MLF1: variants seen among roughly 807,000 people sequenced by gnomAD.
The protein encoded by MLF1 is myelodysplasia-myeloid leukemia factor 1.
Under a neutral mutation model 38.3 loss-of-function variants are expected in MLF1, and 37 were observed. The observed-to-expected ratio is 0.96, with a 90% CI of 0.74 to 1.27. The LOEUF (loss-of-function observed/expected upper bound fraction) is 1.27, where lower values mean the gene tolerates loss of function less well. Among genes scored for constraint, MLF1 ranks in the 50% most tolerant of loss-of-function variants. The pLI is 0.00. For synonymous variants in MLF1, 95 were observed against 106.5 expected (o/e 0.89, Z 0.66); for missense variants, 331 against 349.2 (o/e 0.95, Z 0.42).
chr3:158,571,231 C>A lies in MLF1; in HGVS notation c.-70C>A. The A allele has an allele frequency of 7.6e-7, 1 of 1,313,268 alleles. No homozygotes were observed. Among genetic ancestry groups the A allele is most frequent in the South Asian group, 1.2e-5 (1 of 81,872 alleles). The allele number at this position is 1,313,268 out of a possible 1,614,324, so 81.4% of individuals were successfully genotyped here. On this transcript the variant is annotated 5_prime_UTR_variant, in exon 1 of 8. Coordinates refer to ENST00000466246, the MANE Select transcript of MLF1 (RefSeq NM_001369783.1). ...GTCCGTACTGGAGGCTAGCTCTTGT[C>A]GCGGCCGCGGCGAGTTAACATCGTT...
chr3:158,597,087 C>T (rs1278403974), intron 4 of MLF1, 142 bp downstream of exon 4: 6 of 512,328 alleles, frequency 1.2e-5, no homozygotes, highest in Admixed American at 1.0e-4. Flanking sequence ...TATTTGTATA[C>T]TTTATAAATA....
At chr3:158,589,576 A>G (rs1287781018) in intron 1 of MLF1, among the ~76,000 whole-genome samples, 1 of 152,236 alleles carries the variant, frequency 6.6e-6, no homozygotes, top group African/African-American at 2.4e-5. Flanking sequence ...ATGAATAAAG[A>G]TACAGTTCCT....
At chr3:158,584,658 A>AGTGTGTGTGTGTGT (rs56885799) in intron 1 of MLF1, among the ~76,000 whole-genome samples, 16 of 134,382 alleles carry the variant, frequency 1.2e-4, no homozygotes, top group East Asian at 4.4e-4. Flanking sequence ...CCATAAAGAA[A>AGTGTGTGTGTGTGT]GTGTGTGTGT....
intron 5 of MLF1, 136 bp downstream of exon 5, chr3:158,598,344 T>C (rs1719215271): frequency 5.0e-6 from 4 of 805,574 alleles, no homozygotes; most frequent in Non-Finnish European, 7.5e-6. Flanking sequence ...GGGTTGGGGG[T>C]AAGGTAGTCC....
intron 1 of MLF1, among the ~76,000 whole-genome samples, chr3:158,589,748 A>G (rs1376939789): frequency 6.6e-6 from 1 of 152,200 alleles, no homozygotes; most frequent in African/African-American, 2.4e-5. Context: ...TCAGAAGTCC[A>G]AAATGGGTTT....
chr3:158,582,851 T>G lies in MLF1; in HGVS notation c.48-9583T>G, dbSNP rs1203843809. On this transcript the variant is annotated intron_variant, in intron 1 of 7. Transcript: ENST00000466246. ...TTGCAAGAAATGTTAAAAGAAGTTC[T>G]TCAGAGAGAAGGAAAATCATACAAG... 5.0e-5 allele frequency: 34 copies of G among 683,710 alleles called. 1 individual carries two copies. In the East Asian group the frequency reaches 9.1e-4, roughly 18 times the overall value. 42.4% of individuals were successfully genotyped at this position (683,710 alleles called of 1,614,324 possible). A position where few individuals can be genotyped will look rare whatever the true frequency, so the allele number is the denominator to read the frequency against.
intron 1 of MLF1, among the ~76,000 whole-genome samples, chr3:158,585,028 A>G (rs1717018968): frequency 7.7e-6 from 1 of 130,364 alleles, no homozygotes. Flanking sequence ...ACAGAGCAAG[A>G]CTCTGTCTGA....
chr3:158,579,218 T>C (rs1186070820), intron 1 of MLF1, among the ~76,000 whole-genome samples: 3 of 152,178 alleles, frequency 2.0e-5, no homozygotes, highest in Admixed American at 2.0e-4. Flanking sequence ...TGGGCTAAAA[T>C]TTTTCATTTG....
At chr3:158,599,056 G>A (rs941972423) in intron 5 of MLF1, among the ~76,000 whole-genome samples, 1 of 151,718 alleles carries the variant, frequency 6.6e-6, no homozygotes, top group African/African-American at 2.4e-5. Context: ...TGATTAATAC[G>A]CTTCTGAGAT....
At chr3:158,582,756 A>G in intron 1 of MLF1, 2 of 561,220 alleles carry the variant, frequency 3.6e-6, no homozygotes, top group Non-Finnish European at 6.2e-6. Flanking sequence ...ATTATCCTTT[A>G]AAAGTCAAGA....
chr3:158,574,623 G>T (rs562369938), intron 1 of MLF1, among the ~76,000 whole-genome samples: 1 of 149,784 alleles, frequency 6.7e-6, no homozygotes, highest in South Asian at 2.1e-4. Context: ...GGTGGAGGTT[G>T]CAGTGAGCCG....
chr3:158,588,095 A>T (rs1717521665), intron 1 of MLF1, among the ~76,000 whole-genome samples: 1 of 152,192 alleles, frequency 6.6e-6, no homozygotes, highest in Non-Finnish European at 1.5e-5. Context: ...AGCTACCATG[A>T]TGTAAAGCAG....
intron 1 of MLF1, among the ~76,000 whole-genome samples, chr3:158,585,948 G>A (rs558642290): frequency 6.6e-5 from 10 of 152,242 alleles, no homozygotes; most frequent in African/African-American, 1.7e-4. Flanking sequence ...GATTGCCTGA[G>A]GTCAGGAGTT....
chr3:158,585,028 ACT>A (rs1223901303), intron 1 of MLF1, among the ~76,000 whole-genome samples: 41 of 130,464 alleles, frequency 3.1e-4, no homozygotes, highest in African/African-American at 1.2e-3. Context: ...ACAGAGCAAG[ACT>A]CTGTCTGAAA....
At position 158,600,146 on chromosome 3, in the gene MLF1, A is replaced by G; in HGVS notation, c.586A>G (p.Asn196Asp). ...CAAGAAGACTGGAGATGAAGAGGTC[A>G]ACCAGGAGTTCATCAATATGAATGA... Reference protein sequence around the residue: ...KNKKTGDEEVNQEFINMNESD... With the variant: ...KNKKTGDEEVDQEFINMNESD... Residue 196 changes from asparagine to aspartate, a missense_variant, in exon 6 of 8, where the codon AAC becomes GAC. Transcript: ENST00000466246. 1 of 1,456,582 alleles carries G rather than the reference A, an allele frequency of 6.9e-7. No individual in the cohort carries two copies. Among genetic ancestry groups the G allele is most frequent in the Non-Finnish European group, 9.1e-7 (1 of 1,100,150 alleles). 90.2% of individuals were successfully genotyped at this position (1,456,582 alleles called of 1,614,324 possible).
rs1718039943 is a variant in MLF1, at chr3:158,591,044, T to C, written c.48-1390T>C. ...TTTGGAATAGGTTTATGTATACAAA[T>C]ACTATGAAATTCAGAGGAAAAGCTC... On this transcript the variant is annotated intron_variant, in intron 1 of 7. Transcript: ENST00000466246. 1.1e-5 allele frequency: 5 copies of C among 469,678 alleles called. No individual in the cohort carries two copies. The East Asian group carries it at 2.4e-4, about 22-fold the overall frequency. The allele number at this position is 469,678 out of a possible 1,614,324, so 29.1% of individuals were successfully genotyped here. A position where few individuals can be genotyped will look rare whatever the true frequency, so the allele number is the denominator to read the frequency against.
chr3:158,589,348 A>T (rs1286009587), intron 1 of MLF1, among the ~76,000 whole-genome samples: 1 of 151,992 alleles, frequency 6.6e-6, no homozygotes, highest in African/African-American at 2.4e-5. Flanking sequence ...AGTAGCTGGG[A>T]TTACAGGCAC....
intron 1 of MLF1, among the ~76,000 whole-genome samples, chr3:158,580,374 G>A (rs905531773): frequency 1.4e-5 from 2 of 142,082 alleles, no homozygotes; most frequent in African/African-American, 5.0e-5. Flanking sequence ...TAATTTTAAA[G>A]TAATTTTGTT....
intron 1 of MLF1, among the ~76,000 whole-genome samples, chr3:158,574,681 T>C (rs1715145989): frequency 1.1e-5 from 1 of 93,208 alleles, no homozygotes; most frequent in Admixed American, 1.1e-4. Flanking sequence ...TGAAACACTG[T>C]CTCAAAAAAA....
Sources: allele counts gnomAD v4.1 joint callset (sites outside exome capture counted in the v4.1 genomes callset), GRCh38; gene constraint gnomAD v4.1.1; transcripts MANE v1.5; gene names NCBI Gene and HGNC (gene_info 2026-07-23, HGNC 2026-07-21).